Variants in XNDC1N observed in about 807,000 individuals in gnomAD.
XNDC1N encodes protein XNDC1N.
chr11:71,868,167 C>A, the XNDC1N span, among the ~76,000 whole-genome samples: 1 of 151,946 alleles, frequency 6.6e-6, no homozygotes, highest in African/African-American at 2.4e-5. Flanking sequence ...TACTTTGAGC[C>A]TATGAGTGAT....
At chr11:71,878,363 G>A in the XNDC1N span, 1 of 1,432,694 alleles carries the variant, frequency 7.0e-7, no homozygotes, top group South Asian at 1.2e-5. Flanking sequence ...TAATCACTCA[G>A]CAACTCACCT....
At chr11:71,901,323 G>A in the XNDC1N span, among the ~76,000 whole-genome samples, 1 of 152,076 alleles carries the variant, frequency 6.6e-6, no homozygotes, top group South Asian at 2.1e-4. Context: ...TGGAAGCTGG[G>A]AGCCGTGGCT....
chr11:71,919,896 C>T, the XNDC1N span, among the ~76,000 whole-genome samples: 3 of 123,546 alleles, frequency 2.4e-5, no homozygotes, highest in Non-Finnish European at 3.2e-5. Context: ...GGATTACAGG[C>T]GTGAGCCACC....
the XNDC1N span, chr11:71,919,173 C>G: frequency 1.6e-6 from 1 of 609,066 alleles, no homozygotes; most frequent in African/African-American, 1.8e-5. Context: ...CATAGGAATA[C>G]TGTTATCATG....
At chr11:71,874,235 G>A in the XNDC1N span, among the ~76,000 whole-genome samples, 8 of 152,154 alleles carry the variant, frequency 5.3e-5, no homozygotes, top group East Asian at 3.9e-4. Flanking sequence ...CACAAGAATC[G>A]CTTGAACCTG....
At chr11:71,868,809 A>C in the XNDC1N span, among the ~76,000 whole-genome samples, 2 of 152,122 alleles carry the variant, frequency 1.3e-5, no homozygotes. Flanking sequence ...CATTTCCTAA[A>C]TTTGAATCAA....
the XNDC1N span, among the ~76,000 whole-genome samples, chr11:71,879,043 T>C: frequency 6.6e-6 from 1 of 152,008 alleles, no homozygotes; most frequent in Non-Finnish European, 1.5e-5. Flanking sequence ...GAGAGTTGTG[T>C]TTGATCAAAA....
At chr11:71,900,269 T>C in the XNDC1N span, among the ~76,000 whole-genome samples, 4,164 of 152,304 alleles carry the variant, frequency 0.027, 6 homozygotes, top group East Asian at 0.077. Flanking sequence ...GCCGGTCCCC[T>C]GGGCTCACTG....
chr11:71,915,681 T>C, the XNDC1N span, among the ~76,000 whole-genome samples: 1 of 143,318 alleles, frequency 7.0e-6, no homozygotes, highest in African/African-American at 2.5e-5. Context: ...TGTAAGGGAA[T>C]AATGACAGAA....
At chr11:71,907,475 C>A in the XNDC1N span, among the ~76,000 whole-genome samples, 101 of 46,984 alleles carry the variant, frequency 2.1e-3, 2 homozygotes, top group South Asian at 0.067. Flanking sequence ...CTCTTGCCCC[C>A]CCTGGCTCTT....
chr11:71,900,084 T>A, the XNDC1N span, among the ~76,000 whole-genome samples: 37 of 145,120 alleles, frequency 2.5e-4, no homozygotes, highest in Non-Finnish European at 1.1e-4. Context: ...GTACCTTCCC[T>A]TGAACTTCAT....
chr11:71,889,127 G>C, the XNDC1N span, among the ~76,000 whole-genome samples: 2 of 152,170 alleles, frequency 1.3e-5, no homozygotes, highest in Non-Finnish European at 2.9e-5. Context: ...GCTTTCATTC[G>C]GGCCTTAGAA....
chr11:71,877,914 G>C, the XNDC1N span, among the ~76,000 whole-genome samples: 1 of 152,084 alleles, frequency 6.6e-6, no homozygotes, highest in Non-Finnish European at 1.5e-5. Context: ...TGTTAACTTA[G>C]GTTTCAATAT....
chr11:71,928,012 C>T, the XNDC1N span: 147 of 164,766 alleles, frequency 8.9e-4, 4 homozygotes, highest in East Asian at 0.023. Context: ...GGGCTACAGG[C>T]TTGCAAGGTA....
chr11:71,869,019 C>T, the XNDC1N span, among the ~76,000 whole-genome samples: 2 of 152,062 alleles, frequency 1.3e-5, no homozygotes, highest in Non-Finnish European at 2.9e-5. Flanking sequence ...AACAAGTCTT[C>T]TATTTCTGAG....
the XNDC1N span, among the ~76,000 whole-genome samples, chr11:71,902,351 C>T: frequency 1.8e-4 from 27 of 152,190 alleles, no homozygotes; most frequent in Admixed American, 5.2e-4. Flanking sequence ...GCCGCCATAC[C>T]GGGCGAAGTG....
chr11:71,874,678 C>T, the XNDC1N span, among the ~76,000 whole-genome samples: 5 of 152,098 alleles, frequency 3.3e-5, no homozygotes, highest in Non-Finnish European at 5.9e-5. Context: ...AGACAGCAAC[C>T]TTGTGCCAAT....
the XNDC1N span, chr11:71,914,545 G>C: frequency 2.8e-6 from 1 of 357,074 alleles, no homozygotes; most frequent in South Asian, 2.1e-5. Context: ...AAATTAGCCA[G>C]GTGTGGTGCT....
At chr11:71,874,934 A>G in the XNDC1N span, among the ~76,000 whole-genome samples, 1 of 151,690 alleles carries the variant, frequency 6.6e-6, no homozygotes, top group African/African-American at 2.4e-5. Flanking sequence ...CCTTTCAATT[A>G]ACAACATATT....
Sources: gnomAD v4.1 joint callset for allele counts (sites outside exome capture counted in the v4.1 genomes callset) on GRCh38, gnomAD v4.1.1 for gene constraint, MANE v1.5 for transcripts, NCBI Gene and HGNC (gene_info 2026-07-23, HGNC 2026-07-21) for gene names.